COL5A1: variants seen among roughly 807,000 people sequenced by gnomAD.
COL5A1 encodes the protein collagen type V alpha 1 chain.
A neutral mutation model predicts 263.7 loss-of-function variants in COL5A1; 16 were observed. The observed-to-expected ratio is 0.06, with a 90% CI of 0.04 to 0.09. COL5A1 has a LOEUF of 0.09. Among genes scored for constraint, COL5A1 ranks in the 10% least tolerant of loss-of-function variants. The probability of loss-of-function intolerance (pLI) is 1.00; values close to 1 mark genes in which losing one functional copy is unlikely to be tolerated. For synonymous variants in COL5A1, 1,012 were observed against 1,004.5 expected (o/e 1.01, Z -0.14); for missense variants, 2,036 against 2,540.5 (o/e 0.80, Z 4.27).
chr9:134,753,480 G>C (rs1428255655), intron 14 of COL5A1, among the ~76,000 whole-genome samples: 2 of 152,212 alleles, frequency 1.3e-5, no homozygotes, highest in African/African-American at 2.4e-5. Flanking sequence ...CCCACATCTG[G>C]GGGATCTGGC....
chr9:134,829,711 G>T (rs1488412016), intron 63 of COL5A1, among the ~76,000 whole-genome samples: 1 of 152,010 alleles, frequency 6.6e-6, no homozygotes, highest in Non-Finnish European at 1.5e-5. Flanking sequence ...TCCTCACGTG[G>T]CCTCTAGTCT....
In COL5A1 at chr9:134,835,211, A is replaced by G; in HGVS notation, c.5370+7A>G. The G allele has an allele frequency of 6.2e-7, 1 of 1,611,486 alleles. No individual in the cohort carries two copies. Among genetic ancestry groups the G allele is most frequent in the East Asian group, 2.2e-5 (1 of 44,858 alleles). ...CCTGGTGGACGGCTGTGCTGTGAGT[A>G]TCCCGCGCCGCGCCCAGCACCCCTG... On this transcript the variant is annotated splice_region_variant and intron_variant, in intron 65 of 65. Transcript: ENST00000371817.
intron 18 of COL5A1, among the ~76,000 whole-genome samples, chr9:134,760,619 ACACCCACACACCCCCACAC>A (rs1836356945): frequency 2.7e-5 from 3 of 110,650 alleles, no homozygotes; most frequent in African/African-American, 1.2e-4. Context: ...GCACACACAC[ACACCCACACACCCCCACAC>A]TCATACACTC....
intron 4 of COL5A1, among the ~76,000 whole-genome samples, chr9:134,714,400 GGTA>G (rs974303714): frequency 6.6e-5 from 10 of 151,006 alleles, no homozygotes; most frequent in Admixed American, 3.3e-4. Flanking sequence ...TGGTGGTGGT[GGTA>G]GTGGTGGTGG....
At chr9:134,725,074 C>T (rs1320678900) in intron 4 of COL5A1, among the ~76,000 whole-genome samples, 1 of 152,202 alleles carries the variant, frequency 6.6e-6, no homozygotes, top group Non-Finnish European at 1.5e-5. Flanking sequence ...TGCCCCAAGT[C>T]CCCTTGCCTG....
intron 11 of COL5A1, among the ~76,000 whole-genome samples, chr9:134,747,170 T>C (rs775775525): frequency 6.6e-6 from 1 of 151,226 alleles, no homozygotes; most frequent in Non-Finnish European, 1.5e-5. Context: ...ACTGTCTCCT[T>C]CTTCTAGGAC....
Position 134,765,297 on chromosome 9 carries a change from T to A in COL5A1, c.2035-384T>A, listed in dbSNP as rs1836617614. On this transcript the variant is annotated intron_variant, in intron 20 of 65. Transcript: ENST00000371817. The surrounding 1 kb of genome is among the most constrained non-coding windows in gnomAD (Gnocchi z 5.1). The stretch of plus-strand genomic sequence containing the variant: ...GGGGAATTCAGGAGCGAGCCGGTAA[T>A]GAGGATAGGGCACAAGGGCTCCGTG... Among the ~76,000 whole-genome samples, 2 of 152,068 alleles carry A rather than the reference T, an allele frequency of 1.3e-5. No individual in the cohort carries two copies.
At position 134,738,776 on chromosome 9, in the gene COL5A1, C is replaced by T. The variant is rs1238395732; in HGVS notation, c.1462C>T (p.Pro488Ser). The change falls in exon 11 of 66, where the codon CCC (proline) becomes TCC (serine). Residue 488 changes from proline to serine, a missense_variant. Coordinates refer to ENST00000371817, the MANE Select transcript of COL5A1 (RefSeq NM_000093.5). ...TCCCGGACCTCCAGGAACCATGGGT[C>T]CCACTGGCCAAGTCGGGGACCCTGG... The part of the protein sequence containing the change: ...GLPGPPGTMG[P>S]TGQVGDPGER... The T allele has an allele frequency of 6.2e-7, 1 of 1,613,578 alleles. No individual in the cohort carries two copies. Among genetic ancestry groups the T allele is most frequent in the Non-Finnish European group, 8.5e-7 (1 of 1,179,664 alleles).
At chr9:134,835,374 A>C (rs967953603) in intron 65 of COL5A1, among the ~76,000 whole-genome samples, 170 bp downstream of exon 65, 4 of 152,230 alleles carry the variant, frequency 2.6e-5, no homozygotes, top group Non-Finnish European at 5.9e-5. Context: ...TAGGAATCCC[A>C]GGCCTATGCA....
intron 38 of COL5A1, among the ~76,000 whole-genome samples, chr9:134,802,659 A>C (rs1015879349): frequency 2.0e-5 from 3 of 152,176 alleles, no homozygotes; most frequent in African/African-American, 7.2e-5. Flanking sequence ...CAGGTGGGGG[A>C]AGAGGGCCAC....
chr9:134,784,955 G>T, intron 29 of COL5A1, 34 bp from the exon 30 acceptor site: 1 of 1,502,000 alleles, frequency 6.7e-7, no homozygotes, highest in Admixed American at 1.7e-5. Context: ...TGTGCGGGGG[G>T]TGGTCTTCTC....
chr9:134,710,955 G>A (rs1175143365), intron 4 of COL5A1, among the ~76,000 whole-genome samples: 27 of 124,814 alleles, frequency 2.2e-4, no homozygotes, highest in Middle Eastern at 5.6e-3. Context: ...GAGGGGCCCC[G>A]TCTGTTGGGT....
rs943164717 is a variant in COL5A1, at chr9:134,828,587, CCACACAT to C, written c.5068-1382_5068-1376del. The stretch of plus-strand genomic sequence containing the variant: ...CACAATACACACCACATATACCACA[CCACACAT>C]CACACAGATACACACCATACACCAC... On this transcript the variant is annotated intron_variant, in intron 63 of 65. Transcript: ENST00000371817. 1.4e-3 allele frequency among the ~76,000 whole-genome samples: 16 copies of C among 11,542 alleles called. 1 individual carries two copies. The highest frequency in any genetic ancestry group is 3.3e-3 in the African/African-American group (15 of 4,514). 7.6% of individuals were successfully genotyped at this position (11,542 alleles called of 152,430 possible).
intron 46 of COL5A1, 117 bp from the exon 47 acceptor site, chr9:134,812,332 C>A: frequency 9.3e-7 from 1 of 1,072,874 alleles, no homozygotes; most frequent in African/African-American, 1.5e-5. Context: ...AGAGAAGCAC[C>A]TTCCCGGGGC....
rs776952538 is a variant in COL5A1, at chr9:134,824,752, T to A, written c.4851T>A (p.Ser1617=). 3.7e-6 allele frequency: 6 copies of A among 1,614,124 alleles called. No individual in the cohort carries two copies. In the South Asian group the frequency reaches 6.6e-5, roughly 18 times the overall value. ...AAGAGATCTTCGGCTCTCTCAACTC[T>A]CTGAAGCTGGAGATTGAGCAGATGA... is the stretch of plus-strand genomic sequence containing the variant. ...GMEEIFGSLN[S]LKLEIEQMKR... The change falls in exon 62 of 66, where the codon TCT becomes TCA. Residue 1617 remains serine (S), a synonymous_variant. Transcript: ENST00000371817.
In COL5A1 at chr9:134,675,435, T is replaced by G. The variant is rs968265403; in HGVS notation, c.110-15477T>G. On this transcript the variant is annotated intron_variant, in intron 1 of 65. Coordinates refer to ENST00000371817, the MANE Select transcript of COL5A1 (RefSeq NM_000093.5). ...ATTTAGCTACTAGTAACATCGAATG[T>G]TATTTATTTGTTCCCCCCTTTTTCT... Among the ~76,000 whole-genome samples the G allele has an allele frequency of 3.9e-5, 6 of 152,366 alleles. No homozygotes were observed. The South Asian group carries it at 1.2e-3, about 32-fold the overall frequency.
rs1836065862 is a variant in COL5A1 at position 134,758,387 on chromosome 9, T to C, written c.1935+91T>C. 1 of 1,336,014 alleles carries C rather than the reference T, an allele frequency of 7.5e-7. No individual in the cohort carries two copies. The highest frequency in any genetic ancestry group is 1.4e-5 in the African/African-American group (1 of 69,502). The allele number at this position is 1,336,014 out of a possible 1,614,324, so 82.8% of individuals were successfully genotyped here. On this transcript the variant is annotated intron_variant, in intron 18 of 65. Transcript: ENST00000371817. This position sits in a 1 kb window ranked among gnomAD's most constrained non-coding sequence, Gnocchi z 4.1. ...TTCTCCTTCCAGGCAGCCTCAGATT[T>C]CCTGTGGGGTCAGGTCTCCGCCATT...
chr9:134,710,916 G>A (rs3128593), intron 4 of COL5A1, among the ~76,000 whole-genome samples: 1 of 121,160 alleles, frequency 8.3e-6, no homozygotes, highest in South Asian at 2.9e-4. Flanking sequence ...GTGGGGGAGG[G>A]GCCCCGTCTG....
chr9:134,648,828 G>A (rs1831564872), intron 1 of COL5A1, among the ~76,000 whole-genome samples: 2 of 152,186 alleles, frequency 1.3e-5, no homozygotes, highest in Non-Finnish European at 2.9e-5. Context: ...CTCGCTGCTC[G>A]CTGCCTCTGA....
Sources: allele counts gnomAD v4.1 joint callset (sites outside exome capture counted in the v4.1 genomes callset), GRCh38; gene constraint gnomAD v4.1.1; non-coding constraint Gnocchi (gnomAD v3.1); transcripts MANE v1.5; gene names NCBI Gene and HGNC (gene_info 2026-07-23, HGNC 2026-07-21).